Variants in ERBB4 observed in about 807,000 individuals in gnomAD.
The protein encoded by ERBB4 is receptor tyrosine-protein kinase erbB-4.
A neutral mutation model predicts 158.0 loss-of-function variants in ERBB4; 42 were observed. That is an observed-to-expected ratio of 0.27 (90% CI 0.21 to 0.34). ERBB4 has a LOEUF of 0.34. Ranked by LOEUF, ERBB4 falls within the 10% of genes least tolerant of loss-of-function variation. The pLI is 1.00. For synonymous variants in ERBB4, 583 were observed against 558.7 expected (o/e 1.04, Z -0.61); for missense variants, 1,333 against 1,624.1 (o/e 0.82, Z 3.08).
intron 20 of ERBB4, among the ~76,000 whole-genome samples, chr2:211,509,611 A>C (rs2065839460): frequency 6.6e-6 from 1 of 152,116 alleles, no homozygotes; most frequent in Admixed American, 6.5e-5. Context: ...CCACAATTAA[A>C]CTAGAGACCT....
intron 1 of ERBB4, among the ~76,000 whole-genome samples, chr2:212,515,547 A>T (rs1691776572): frequency 6.6e-6 from 1 of 151,746 alleles, no homozygotes; most frequent in Non-Finnish European, 1.5e-5. Context: ...AACCCTCAGT[A>T]TATATAATTC....
At chr2:212,306,975 C>T (rs2086833715) in intron 1 of ERBB4, among the ~76,000 whole-genome samples, 1 of 151,164 alleles carries the variant, frequency 6.6e-6, no homozygotes, top group South Asian at 2.1e-4. Context: ...ACACATTATT[C>T]CTGAAATACT....
At chr2:212,183,779 A>C (rs1575763047) in intron 1 of ERBB4, among the ~76,000 whole-genome samples, 1 of 152,236 alleles carries the variant, frequency 6.6e-6, no homozygotes, top group African/African-American at 2.4e-5. Context: ...CTGCCAAACC[A>C]AGTGACCATG....
chr2:211,804,807 A>G (rs550402613), intron 3 of ERBB4, among the ~76,000 whole-genome samples: 2 of 152,108 alleles, frequency 1.3e-5, no homozygotes, highest in African/African-American at 4.8e-5. Flanking sequence ...TCCTTCTTTA[A>G]CTGTCCATTT....
chr2:212,351,939 G>A (rs1302188859), intron 1 of ERBB4, among the ~76,000 whole-genome samples: 1 of 152,068 alleles, frequency 6.6e-6, no homozygotes. Context: ...GTGGTAGACT[G>A]GATAAAGAAA....
chr2:212,491,367 C>T (rs1690266872), intron 1 of ERBB4, among the ~76,000 whole-genome samples: 1 of 151,590 alleles, frequency 6.6e-6, no homozygotes, highest in Non-Finnish European at 1.5e-5. Context: ...CAACACACGA[C>T]CTTTATAACT....
At chr2:211,757,091 G>A (rs1311145903) in intron 4 of ERBB4, among the ~76,000 whole-genome samples, 2 of 152,168 alleles carry the variant, frequency 1.3e-5, no homozygotes, top group Non-Finnish European at 2.9e-5. Flanking sequence ...CCATGATGTG[G>A]AATTGCTCTT....
At chr2:212,332,776 A>G (rs2088241019) in intron 1 of ERBB4, among the ~76,000 whole-genome samples, 1 of 152,020 alleles carries the variant, frequency 6.6e-6, no homozygotes, top group African/African-American at 2.4e-5. Context: ...AGTTTACAAG[A>G]ATTGGGTTAA....
chr2:212,496,586 G>A lies in ERBB4; in HGVS notation c.82+41863C>T, dbSNP rs73989028. On this transcript the variant is annotated intron_variant, in intron 1 of 27. Transcript: ENST00000342788. Reference sequence around the variant, plus strand: ...TCCTAACACACATATTATAATGGGAGACTACTATAAGATAAAATTTTGTCC... The same window carrying A: ...TCCTAACACACATATTATAATGGGAAACTACTATAAGATAAAATTTTGTCC... Among the ~76,000 whole-genome samples, 400 of 152,262 alleles carry A rather than the reference G, an allele frequency of 2.6e-3. 3 individuals carry two copies. Among genetic ancestry groups the A allele is most frequent in the African/African-American group, 9.4e-3 (390 of 41,548 alleles).
At chr2:211,857,140 T>C (rs1022522510) in intron 3 of ERBB4, among the ~76,000 whole-genome samples, 5 of 147,058 alleles carry the variant, frequency 3.4e-5, no homozygotes, top group Non-Finnish European at 7.6e-5. Flanking sequence ...TCTGACTCTG[T>C]GTATATCTCT....
At chr2:211,895,452 C>G (rs988429715) in intron 3 of ERBB4, among the ~76,000 whole-genome samples, 3 of 151,998 alleles carry the variant, frequency 2.0e-5, no homozygotes, top group Admixed American at 6.6e-5. Context: ...AGATGGGGTT[C>G]TCACTTTTTT....
chr2:211,857,159 T>TTGTGTG (rs144521308), intron 3 of ERBB4, among the ~76,000 whole-genome samples: 1 of 107,076 alleles, frequency 9.3e-6, no homozygotes, highest in Non-Finnish European at 2.2e-5. Context: ...CTGTGTGTGT[T>TTGTGTG]TGTGTGTGTG....
intron 15 of ERBB4, among the ~76,000 whole-genome samples, chr2:211,664,003 G>A (rs2071526559): frequency 6.6e-6 from 1 of 151,970 alleles, no homozygotes; most frequent in Non-Finnish European, 1.5e-5. Flanking sequence ...GACTATTTCA[G>A]TACCCTAAAT....
At chr2:212,518,912 A>G (rs567945369) in intron 1 of ERBB4, among the ~76,000 whole-genome samples, 2 of 151,970 alleles carry the variant, frequency 1.3e-5, no homozygotes, top group Non-Finnish European at 2.9e-5. Flanking sequence ...ATAATCCTAG[A>G]GAAGATTTTT....
intron 3 of ERBB4, among the ~76,000 whole-genome samples, chr2:211,883,190 C>T (rs768543319): frequency 1.4e-4 from 21 of 152,088 alleles, no homozygotes; most frequent in Non-Finnish European, 2.2e-4. Context: ...AGCAAACTAT[C>T]GCAAGGACAA....
chr2:211,678,031 G>C (rs1473130706), intron 13 of ERBB4, among the ~76,000 whole-genome samples: 1 of 152,056 alleles, frequency 6.6e-6, no homozygotes. Context: ...ATGATAAAGT[G>C]ATTTTATGAA....
intron 2 of ERBB4, among the ~76,000 whole-genome samples, chr2:212,110,850 G>C (rs1317389802): frequency 7.5e-6 from 1 of 133,246 alleles, no homozygotes; most frequent in Non-Finnish European, 1.7e-5. Context: ...TTAACTTCTT[G>C]TTTGTTGAAT....
At chr2:211,420,688 T>G in intron 24 of ERBB4, 77 bp from the exon 25 acceptor site, 1 of 1,246,744 alleles carries the variant, frequency 8.0e-7, no homozygotes, top group Admixed American at 1.7e-5. Flanking sequence ...AATAAATTTA[T>G]GTAATATCAT....
intron 1 of ERBB4, among the ~76,000 whole-genome samples, chr2:212,305,698 A>G (rs1474877033): frequency 1.3e-5 from 2 of 151,390 alleles, no homozygotes; most frequent in Non-Finnish European, 3.0e-5. Flanking sequence ...TCACCACAAA[A>G]TAACTACATG....
Sources: gnomAD v4.1 joint callset for allele counts (sites outside exome capture counted in the v4.1 genomes callset) on GRCh38, gnomAD v4.1.1 for gene constraint, MANE v1.5 for transcripts, NCBI Gene and HGNC (gene_info 2026-07-23, HGNC 2026-07-21) for gene names.